Variants in GRK1 observed in about 807,000 individuals in gnomAD.
The protein encoded by GRK1 is G protein-coupled receptor kinase 1.
In GRK1, 28 loss-of-function variants were observed where a neutral mutation model predicts 41.7. That is an observed-to-expected ratio of 0.67 (90% confidence interval 0.50 to 0.92). The LOEUF is 0.92. Ranked by LOEUF, GRK1 falls within the 40% of genes least tolerant of loss-of-function variation. The pLI, the probability that GRK1 is intolerant of heterozygous loss-of-function variation, is 0.00. For missense variants in GRK1, 703 were observed against 671.2 expected, an observed-to-expected ratio of 1.05 and a Z score of -0.52; for synonymous variants, 327 against 286.7, an observed-to-expected ratio of 1.14 and a Z score of -1.42.
the GRK1 span, among the ~76,000 whole-genome samples, chr13:113,657,802 G>A: frequency 6.6e-6 from 1 of 152,242 alleles, no homozygotes; most frequent in Non-Finnish European, 1.5e-5. Flanking sequence ...CCCTCCACCG[G>A]CGTTCTGCAG....
At chr13:113,733,543 G>C (rs1367731087) in intron 6 of GRK1, among the ~76,000 whole-genome samples, 1 of 131,778 alleles carries the variant, frequency 7.6e-6, no homozygotes, top group Non-Finnish European at 1.8e-5. Flanking sequence ...GTGTGCATGC[G>C]TGTGCGCGCA....
At chr13:113,724,240 G>A (rs1343616492) in intron 4 of GRK1, among the ~76,000 whole-genome samples, 2 of 152,226 alleles carry the variant, frequency 1.3e-5, no homozygotes, top group African/African-American at 4.8e-5. Flanking sequence ...CGGTGCACAG[G>A]CTTGCTGAGG....
chr13:113,663,020 T>C (rs186046595), upstream of GRK1, among the ~76,000 whole-genome samples: 6 of 152,252 alleles, frequency 3.9e-5, no homozygotes, highest in South Asian at 2.1e-4. Context: ...TAGGGTTTTT[T>C]AAACATTTTT....
At chr13:113,729,021 G>A (rs978998129) in intron 4 of GRK1, among the ~76,000 whole-genome samples, 1 of 152,212 alleles carries the variant, frequency 6.6e-6, no homozygotes, top group East Asian at 1.9e-4. Context: ...AGGAGCAGTT[G>A]GGAAGGGCTC....
At chr13:113,655,394 C>T in the GRK1 span, among the ~76,000 whole-genome samples, 6 of 152,176 alleles carry the variant, frequency 3.9e-5, no homozygotes, top group African/African-American at 1.2e-4. Context: ...AGTGCATGGC[C>T]GGTCCTGCTT....
upstream of GRK1, among the ~76,000 whole-genome samples, chr13:113,663,097 A>T (rs1364454181): frequency 6.6e-6 from 1 of 152,218 alleles, no homozygotes; most frequent in Admixed American, 6.5e-5. Context: ...AAAGCTTATT[A>T]TGTAGCTGTG....
rs1338259357 is a variant in GRK1 at position 113,727,966 on chromosome 13, G to GAGT, written c.1070-3252_1070-3251insGTA. Among the ~76,000 whole-genome samples the GAGT allele has an allele frequency of 3.8e-4, 24 of 63,078 alleles. 2 individuals are homozygous for GAGT. The highest frequency in any genetic ancestry group is 2.4e-3 in the African/African-American group (23 of 9,590). 41.4% of individuals were successfully genotyped at this position (63,078 alleles called of 152,430 possible). ...GATGAGGAGTACCCATGGTGATGAGGACCCATGGCGATGAGGAGTACCCAT... is the reference window on the plus strand; with the variant it reads ...GATGAGGAGTACCCATGGTGATGAGGAGTACCCATGGCGATGAGGAGTACCCAT... On this transcript the variant is annotated intron_variant, in intron 4 of 6. Coordinates refer to ENST00000335678, the MANE Select transcript of GRK1 (RefSeq NM_002929.3).
At chr13:113,730,514 A>G (rs1033262825) in intron 4 of GRK1, among the ~76,000 whole-genome samples, 1 of 148,078 alleles carries the variant, frequency 6.8e-6, no homozygotes, top group African/African-American at 2.5e-5. Flanking sequence ...CCCGGGGCTG[A>G]GCCCAGAGCC....
the GRK1 span, chr13:113,652,694 A>G: frequency 5.5e-6 from 4 of 726,250 alleles, no homozygotes; most frequent in Non-Finnish European, 7.4e-6. Flanking sequence ...TCAAATTTGT[A>G]TCTAAGAACC....
chr13:113,658,318 A>G, the GRK1 span: 1 of 633,354 alleles, frequency 1.6e-6, no homozygotes, highest in Non-Finnish European at 2.7e-6. Context: ...TCGCCTCACC[A>G]AACACCAGGG....
At chr13:113,733,905 GCAT>G (rs1566700304) in intron 6 of GRK1, among the ~76,000 whole-genome samples, 3 of 91,466 alleles carry the variant, frequency 3.3e-5, no homozygotes, top group Non-Finnish European at 4.2e-5. Flanking sequence ...GTGTATGTGT[GCAT>G]ACAGTGTGCG....
chr13:113,649,582 G>C, the GRK1 span: 1 of 1,446,808 alleles, frequency 6.9e-7, no homozygotes, highest in Non-Finnish European at 9.1e-7. This position sits in a 1 kb window ranked among gnomAD's most constrained non-coding sequence, Gnocchi z 4.7. Flanking sequence ...AATCTCTGAA[G>C]TTAAGGAGAG....
the GRK1 span, among the ~76,000 whole-genome samples, chr13:113,658,911 C>A: frequency 1.3e-5 from 2 of 152,324 alleles, no homozygotes; most frequent in Middle Eastern, 3.4e-3. Context: ...AATGCAGATT[C>A]AGCCCAGCGA....
intron 4 of GRK1, among the ~76,000 whole-genome samples, chr13:113,727,654 TGAG>T (rs553242753): frequency 1.4e-4 from 19 of 134,442 alleles, no homozygotes; most frequent in Admixed American, 3.7e-4. Context: ...CCCATGGCGA[TGAG>T]GACCCATGGC....
chr13:113,651,349 G>A, the GRK1 span, among the ~76,000 whole-genome samples: 1 of 152,240 alleles, frequency 6.6e-6, no homozygotes, highest in East Asian at 1.9e-4. Context: ...TTGTAAAGAA[G>A]CACATAAAAA....
the GRK1 span, chr13:113,654,991 C>T: frequency 6.2e-7 from 1 of 1,609,222 alleles, no homozygotes; most frequent in Non-Finnish European, 8.5e-7. Context: ...CATTTTAACG[C>T]ACACAATTCG....
Position 113,667,385 on chromosome 13 carries a change from G to A in GRK1, c.-2G>A, listed in dbSNP as rs769523425. The A allele has an allele frequency of 6.4e-7, 1 of 1,558,492 alleles. No individual in the cohort carries two copies. Among genetic ancestry groups the A allele is most frequent in the Non-Finnish European group, 8.7e-7 (1 of 1,152,506 alleles). On this transcript the variant is annotated 5_prime_UTR_variant, in exon 1 of 7. Coordinates refer to ENST00000335678, the MANE Select transcript of GRK1 (RefSeq NM_002929.3). The surrounding 1 kb of genome is among the most constrained non-coding windows in gnomAD (Gnocchi z 7.5). Reference sequence around the variant, plus strand: ...CGCCTGAAGCGGGCAGGAAGCTCCGGGATGGATTTCGGGTCTTTGGAGACC... The same window carrying A: ...CGCCTGAAGCGGGCAGGAAGCTCCGAGATGGATTTCGGGTCTTTGGAGACC...
At chr13:113,650,398 G>T in the GRK1 span, 1 of 1,612,926 alleles carries the variant, frequency 6.2e-7, no homozygotes. The surrounding 1 kb of genome is among the most constrained non-coding windows in gnomAD (Gnocchi z 5.0). Context: ...TGGAAGGAAG[G>T]AACCTACCTG....
At chr13:113,727,336 T>G (rs1160384357) in intron 4 of GRK1, among the ~76,000 whole-genome samples, 1 of 152,194 alleles carries the variant, frequency 6.6e-6, no homozygotes, top group Non-Finnish European at 1.5e-5. Flanking sequence ...GTCTATGGAC[T>G]GGGTTGTGGG....
Sources: allele counts gnomAD v4.1 joint callset (sites outside exome capture counted in the v4.1 genomes callset), GRCh38; gene constraint gnomAD v4.1.1; non-coding constraint Gnocchi (gnomAD v3.1); transcripts MANE v1.5; gene names NCBI Gene and HGNC (gene_info 2026-07-23, HGNC 2026-07-21).